Variants in PPP5C observed in about 807,000 individuals in gnomAD.
PPP5C encodes protein phosphatase 5 catalytic subunit.
In PPP5C, 21 loss-of-function variants were observed where a neutral mutation model predicts 66.7. That is an observed-to-expected ratio of 0.31 (90% CI 0.22 to 0.45). PPP5C has a LOEUF of 0.45. Ranked by LOEUF, PPP5C falls within the 20% of genes least tolerant of loss-of-function variation. PPP5C has a pLI of 1.00. For synonymous variants in PPP5C, 246 were observed against 257.4 expected (o/e 0.96, Z 0.43); for missense variants, 464 against 675.9 (o/e 0.69, Z 3.48).
intron 6 of PPP5C, 132 bp from the exon 7 acceptor site, chr19:46,384,672 C>A (rs1167493119): frequency 1.5e-6 from 1 of 680,504 alleles, no homozygotes; most frequent in Non-Finnish European, 2.7e-6. Context: ...TCCTCACTCC[C>A]TGGGAGGTGC....
rs1972852114 is a variant in PPP5C, at chr19:46,384,696, G to A, written c.799-108G>A. The A allele has an allele frequency of 2.3e-5, 19 of 810,836 alleles. 1 individual carries two copies. In the South Asian group the frequency reaches 2.7e-4, roughly 11 times the overall value. 50.2% of individuals were successfully genotyped at this position (810,836 alleles called of 1,614,324 possible). Reference sequence around the variant, plus strand: ...CCTGGGAGGTGCTGACAGGAGGCTTGAGGCCAGGCAGGAGCAGCCCATCTG... The same window carrying A: ...CCTGGGAGGTGCTGACAGGAGGCTTAAGGCCAGGCAGGAGCAGCCCATCTG... On this transcript the variant is annotated intron_variant, in intron 6 of 12. Transcript: ENST00000012443.
In PPP5C at chr19:46,388,281, T is replaced by A; in HGVS notation, c.1136-127T>A. ...TGAATGTCCATGTCCATGCTGGATG[T>A]CCCCTGCCCAACACCCACCCAGGCT... is the stretch of plus-strand genomic sequence containing the variant. On this transcript the variant is annotated intron_variant, in intron 9 of 12. Transcript: ENST00000012443. This position sits in a 1 kb window ranked among gnomAD's most constrained non-coding sequence, Gnocchi z 4.9. 1.0e-6 allele frequency: 1 copy of A among 982,022 alleles called. No individual in the cohort carries two copies. Among genetic ancestry groups the A allele is most frequent in the Non-Finnish European group, 1.5e-6 (1 of 675,640 alleles). 60.8% of individuals were successfully genotyped at this position (982,022 alleles called of 1,614,324 possible). A position where few individuals can be genotyped will look rare whatever the true frequency, so the allele number is the denominator to read the frequency against.
chr19:46,363,023 G>C (rs1292265056), intron 2 of PPP5C, among the ~76,000 whole-genome samples: 1 of 150,748 alleles, frequency 6.6e-6, no homozygotes, highest in African/African-American at 2.4e-5. Flanking sequence ...TCCTGACCTC[G>C]TGATCCGCCT....
At chr19:46,380,301 C>T (rs1202925598) in intron 4 of PPP5C, among the ~76,000 whole-genome samples, 4 of 150,984 alleles carry the variant, frequency 2.6e-5, no homozygotes, top group Admixed American at 2.6e-4. Flanking sequence ...GCCTGGGCAA[C>T]AGAGCGAGAC....
At chr19:46,350,435 C>G (rs1001722813) in intron 1 of PPP5C, among the ~76,000 whole-genome samples, 1 of 152,140 alleles carries the variant, frequency 6.6e-6, no homozygotes, top group Non-Finnish European at 1.5e-5. Context: ...TTGGGAGGAG[C>G]CTGTTGCCCC....
chr19:46,357,479 G>A (rs1362699163), intron 2 of PPP5C, among the ~76,000 whole-genome samples: 1 of 152,178 alleles, frequency 6.6e-6, no homozygotes, highest in Non-Finnish European at 1.5e-5. Context: ...CACCAGCTGG[G>A]TGTTCTCTTA....
intron 2 of PPP5C, among the ~76,000 whole-genome samples, chr19:46,369,083 A>G (rs982826607): frequency 6.6e-6 from 1 of 152,174 alleles, no homozygotes; most frequent in South Asian, 2.1e-4. Flanking sequence ...ACACCCTCTC[A>G]TATATATCCA....
chr19:46,389,953 C>G (rs1972983934), intron 11 of PPP5C, 98 bp from the exon 12 acceptor site: 4 of 1,094,124 alleles, frequency 3.7e-6, no homozygotes, highest in Middle Eastern at 2.0e-4. Context: ...CTGTCCCTCC[C>G]TCTCCCTCTG....
intron 1 of PPP5C, among the ~76,000 whole-genome samples, chr19:46,352,681 A>G (rs939707061): frequency 2.0e-4 from 30 of 152,220 alleles, no homozygotes; most frequent in African/African-American, 7.0e-4. Context: ...TTAGCCGGGT[A>G]TAGTGGCGGG....
rs779984694 is a variant in PPP5C at position 46,388,360 on chromosome 19, C to A, written c.1136-48C>A. The A allele has an allele frequency of 1.3e-5, 21 of 1,576,370 alleles. No individual in the cohort carries two copies. Among genetic ancestry groups the A allele is most frequent in the Non-Finnish European group, 1.6e-5 (18 of 1,156,614 alleles). ...CAGGAGGTGGCCTGTGAGTGACCACCCCCGGGGAGGTGGACGAGTCCCTAA... is the reference window on the plus strand; with the variant it reads ...CAGGAGGTGGCCTGTGAGTGACCACACCCGGGGAGGTGGACGAGTCCCTAA... On this transcript the variant is annotated intron_variant, in intron 9 of 12. Transcript: ENST00000012443. The surrounding 1 kb of genome is among the most constrained non-coding windows in gnomAD (Gnocchi z 4.9).
At chr19:46,366,221 C>T (rs990261838) in intron 2 of PPP5C, among the ~76,000 whole-genome samples, 4 of 152,032 alleles carry the variant, frequency 2.6e-5, no homozygotes, top group African/African-American at 9.7e-5. Flanking sequence ...TTGACATAAC[C>T]GAAGAAACTG....
chr19:46,389,448 CACACACACACA>C (rs1972967746), intron 11 of PPP5C, among the ~76,000 whole-genome samples: 1 of 107,200 alleles, frequency 9.3e-6, no homozygotes, highest in African/African-American at 3.9e-5. Context: ...CACACACACA[CACACACACACA>C]CAGTGTTGAT....
At chr19:46,386,550 G>A (rs1346151480) in intron 7 of PPP5C, among the ~76,000 whole-genome samples, 3 of 147,140 alleles carry the variant, frequency 2.0e-5, no homozygotes, top group Non-Finnish European at 4.5e-5. Flanking sequence ...GGGTGCTTGT[G>A]TCTGAGACAG....
intron 1 of PPP5C, among the ~76,000 whole-genome samples, chr19:46,350,556 G>T (rs550533091): frequency 6.6e-6 from 1 of 152,306 alleles, no homozygotes; most frequent in African/African-American, 2.4e-5. Flanking sequence ...CAGGCCCCTT[G>T]CTGTCTGTCA....
intron 1 of PPP5C, among the ~76,000 whole-genome samples, chr19:46,348,681 A>G (rs1006297954): frequency 1.3e-5 from 2 of 152,132 alleles, no homozygotes; most frequent in Admixed American, 6.5e-5. Flanking sequence ...TGATCAAACT[A>G]TGGTTGGGAA....
chr19:46,371,849 C>A (rs951401574), intron 2 of PPP5C, among the ~76,000 whole-genome samples: 3 of 152,348 alleles, frequency 2.0e-5, no homozygotes, highest in Non-Finnish European at 4.4e-5. Flanking sequence ...GGCTGCTGCT[C>A]ATTGTCTGCA....
intron 4 of PPP5C, among the ~76,000 whole-genome samples, chr19:46,380,568 G>A (rs573281888): frequency 1.6e-4 from 24 of 152,306 alleles, no homozygotes; most frequent in African/African-American, 5.1e-4. Context: ...CCTTCTGCCT[G>A]AGTACTTTTA....
rs763976022 is a variant in PPP5C at position 46,347,129 on chromosome 19, T to C, written c.33T>C (p.Cys11=). ...TGGCGGAGGGCGAGAGGACTGAGTG[T>C]GCTGAGCCCCCCCGGGACGAACCCC... MAMAEGERTE[C]AEPPRDEPPA... Residue 11 remains cysteine, a synonymous_variant, in exon 1 of 13, where the codon TGT becomes TGC. Transcript: ENST00000012443. 6.2e-7 allele frequency: 1 copy of C among 1,605,164 alleles called. No homozygotes were observed. Among genetic ancestry groups the C allele is most frequent in the East Asian group, 2.2e-5 (1 of 44,544 alleles).
chr19:46,360,275 C>T (rs1972360739), intron 2 of PPP5C, among the ~76,000 whole-genome samples: 1 of 151,934 alleles, frequency 6.6e-6, no homozygotes, highest in South Asian at 2.1e-4. Flanking sequence ...GAAATCTGTA[C>T]AATTTTGGAA....
Sources: allele counts gnomAD v4.1 joint callset (sites outside exome capture counted in the v4.1 genomes callset), GRCh38; gene constraint gnomAD v4.1.1; non-coding constraint Gnocchi (gnomAD v3.1); transcripts MANE v1.5; gene names NCBI Gene and HGNC (gene_info 2026-07-23, HGNC 2026-07-21).